AIG1: variants seen among roughly 807,000 people sequenced by gnomAD.
AIG1 encodes androgen induced 1.
Under a neutral mutation model 31.4 loss-of-function variants are expected in AIG1, and 23 were observed. That is an observed-to-expected ratio of 0.73 (90% CI 0.53 to 1.04). The LOEUF (loss-of-function observed/expected upper bound fraction) is 1.04. Ranked by LOEUF, AIG1 falls within the 50% of genes least tolerant of loss-of-function variation. The pLI is 0.00. For missense variants in AIG1, 274 were observed against 295.0 expected (o/e 0.93, Z 0.52); for synonymous variants, 100 against 110.5 (o/e 0.90, Z 0.60).
intron 2 of AIG1, among the ~76,000 whole-genome samples, chr6:143,149,532 C>CA (rs71767812): frequency 0.056 from 2,213 of 39,552 alleles, 165 homozygotes; most frequent in African/African-American, 0.12. Context: ...GACTCTGTCT[C>CA]AAAAAAAAAA....
chr6:143,272,954 C>A (rs1029026672), intron 3 of AIG1, among the ~76,000 whole-genome samples: 7 of 152,260 alleles, frequency 4.6e-5, no homozygotes, highest in Non-Finnish European at 7.3e-5. Flanking sequence ...CATGGTGAAA[C>A]CCCATTTCTA....
chr6:143,129,020 G>A (rs1043575996), intron 1 of AIG1, among the ~76,000 whole-genome samples: 2 of 152,150 alleles, frequency 1.3e-5, no homozygotes, highest in African/African-American at 2.4e-5. Context: ...GGCTGGGCGC[G>A]GTGGCTCATG....
intron 3 of AIG1, among the ~76,000 whole-genome samples, chr6:143,243,626 G>T (rs555718102): frequency 1.3e-5 from 2 of 152,130 alleles, no homozygotes; most frequent in Non-Finnish European, 2.9e-5. Context: ...ATTTTATTTG[G>T]CAGTAGACAG....
chr6:143,253,825 T>G (rs1358625008), intron 3 of AIG1, among the ~76,000 whole-genome samples: 2 of 152,196 alleles, frequency 1.3e-5, no homozygotes, highest in Non-Finnish European at 2.9e-5. Flanking sequence ...AAGTTACTGG[T>G]CTTGGTTTGT....
At chr6:143,082,805 G>A (rs1390693386) in intron 1 of AIG1, among the ~76,000 whole-genome samples, 1 of 152,068 alleles carries the variant, frequency 6.6e-6, no homozygotes, top group African/African-American at 2.4e-5. Context: ...AGCTGTTCAT[G>A]TTTTTTCTGT....
intron 2 of AIG1, among the ~76,000 whole-genome samples, chr6:143,145,129 A>T (rs1305112952): frequency 6.6e-6 from 1 of 152,094 alleles, no homozygotes; most frequent in Admixed American, 6.5e-5. Flanking sequence ...GGCTCAAGTG[A>T]TCCTCGCACC....
At chr6:143,313,733 G>A (rs1197347750) in intron 4 of AIG1, among the ~76,000 whole-genome samples, 2 of 152,010 alleles carry the variant, frequency 1.3e-5, no homozygotes, top group Non-Finnish European at 2.9e-5. Context: ...AATGCTTGAG[G>A]TGATGGATAC....
chr6:143,082,776 C>G (rs1778389077), intron 1 of AIG1, among the ~76,000 whole-genome samples: 2 of 152,186 alleles, frequency 1.3e-5, no homozygotes, highest in Admixed American at 1.3e-4. Context: ...GTCCTTCGGA[C>G]CTGTGTAAGG....
At position 143,326,727 on chromosome 6, in the gene AIG1, A is replaced by G. The variant is rs565533537; in HGVS notation, c.516-6555A>G. On this transcript the variant is annotated intron_variant, in intron 4 of 5. Transcript: ENST00000357847. This position sits in a 1 kb window ranked among gnomAD's most constrained non-coding sequence, Gnocchi z 4.5. ...TCAGTTGTACCAGTTGAGCTAATAT[A>G]GAAAAGATACATATAACCTAATTAT... Among the ~76,000 whole-genome samples, 4 of 152,338 alleles carry G rather than the reference A, an allele frequency of 2.6e-5. No individual in the cohort carries two copies. The South Asian group carries it at 8.3e-4, about 32-fold the overall frequency.
chr6:143,109,755 A>T (rs2128490028), intron 1 of AIG1, among the ~76,000 whole-genome samples: 1 of 152,248 alleles, frequency 6.6e-6, no homozygotes, highest in East Asian at 1.9e-4. Context: ...TGGCTTGTAG[A>T]AGGCAAGTTT....
At chr6:143,152,487 T>C (rs971950355) in intron 2 of AIG1, among the ~76,000 whole-genome samples, 2 of 152,220 alleles carry the variant, frequency 1.3e-5, no homozygotes, top group African/African-American at 4.8e-5. Context: ...TCAATCCTAA[T>C]TGATAGTGGT....
At chr6:143,305,747 G>A (rs1583811561) in intron 4 of AIG1, among the ~76,000 whole-genome samples, 2 of 152,038 alleles carry the variant, frequency 1.3e-5, no homozygotes, top group Non-Finnish European at 2.9e-5. Flanking sequence ...AGGTCCACTT[G>A]GTGCAGAGCT....
At chr6:143,305,913 A>G (rs1799263837) in intron 4 of AIG1, among the ~76,000 whole-genome samples, 1 of 152,152 alleles carries the variant, frequency 6.6e-6, no homozygotes, top group African/African-American at 2.4e-5. Context: ...GTGCTCCTGT[A>G]TTGGGTGCAT....
intron 4 of AIG1, among the ~76,000 whole-genome samples, chr6:143,332,564 G>T (rs950212300): frequency 6.6e-6 from 1 of 152,312 alleles, no homozygotes; most frequent in Middle Eastern, 3.4e-3. Context: ...GCTGGTACCT[G>T]CTAGGGTATG....
intron 1 of AIG1, among the ~76,000 whole-genome samples, chr6:143,079,522 T>C (rs1211991792): frequency 6.6e-6 from 1 of 152,210 alleles, no homozygotes; most frequent in Non-Finnish European, 1.5e-5. Context: ...GAGTTCTTAG[T>C]TGTAATCAAT....
chr6:143,197,489 A>T (rs557976385), intron 3 of AIG1, among the ~76,000 whole-genome samples: 1 of 152,316 alleles, frequency 6.6e-6, no homozygotes, highest in South Asian at 2.1e-4. Context: ...CTCTCAGGCC[A>T]ACTGCTTAGG....
chr6:143,174,486 C>CAAAAAAA (rs71024844), intron 3 of AIG1, among the ~76,000 whole-genome samples: 4 of 59,646 alleles, frequency 6.7e-5, no homozygotes, highest in Admixed American at 1.7e-4. Flanking sequence ...GACTCCGTCT[C>CAAAAAAA]AAAAAAAAAA....
At chr6:143,142,718 G>A (rs1376928689) in intron 2 of AIG1, among the ~76,000 whole-genome samples, 1 of 152,138 alleles carries the variant, frequency 6.6e-6, no homozygotes, top group Non-Finnish European at 1.5e-5. Flanking sequence ...ACTATTTTTA[G>A]TGTTATAATC....
intron 4 of AIG1, among the ~76,000 whole-genome samples, chr6:143,287,737 T>TAAAAAAAAA (rs59551903): frequency 1.3e-5 from 1 of 78,052 alleles, no homozygotes; most frequent in African/African-American, 5.3e-5. Flanking sequence ...CTGACTACAG[T>TAAAAAAAAA]AAAAAAAAAA....
Sources: allele counts gnomAD v4.1 joint callset (sites outside exome capture counted in the v4.1 genomes callset), GRCh38; gene constraint gnomAD v4.1.1; non-coding constraint Gnocchi (gnomAD v3.1); transcripts MANE v1.5; gene names NCBI Gene and HGNC (gene_info 2026-07-23, HGNC 2026-07-21).